Variants in PARD3B observed in about 807,000 individuals in gnomAD.
PARD3B encodes partitioning defective 3 homolog B.
Under a neutral mutation model 130.2 loss-of-function variants are expected in PARD3B, and 103 were observed. The ratio of observed to expected loss-of-function variants is 0.79; its 90% CI spans 0.67 to 0.93. The LOEUF is 0.93. Among genes scored for constraint, PARD3B ranks in the 40% least tolerant of loss-of-function variants. PARD3B has a pLI of 0.00. For synonymous variants in PARD3B, 583 were observed against 553.2 expected (o/e 1.05, Z -0.76); for missense variants, 1,609 against 1,499.2 (o/e 1.07, Z -1.21).
intron 16 of PARD3B, among the ~76,000 whole-genome samples, chr2:205,279,377 G>A (rs543210323): frequency 3.3e-5 from 5 of 152,106 alleles, no homozygotes; most frequent in South Asian, 4.1e-4. Flanking sequence ...GCTAACTAAC[G>A]CCATTGGAGG....
intron 2 of PARD3B, among the ~76,000 whole-genome samples, chr2:204,707,225 A>C (rs565119634): frequency 6.6e-6 from 1 of 152,330 alleles, no homozygotes; most frequent in South Asian, 2.1e-4. Flanking sequence ...TCCAGACCAC[A>C]TGAAGCCCGA....
intron 11 of PARD3B, among the ~76,000 whole-genome samples, chr2:205,168,726 A>C (rs1380331095): frequency 7.1e-6 from 1 of 140,838 alleles, no homozygotes; most frequent in Non-Finnish European, 1.5e-5. Context: ...CTGTCTCCAT[A>C]TCTTCTGTTG....
At chr2:205,141,138 A>C (rs1217422577) in intron 10 of PARD3B, among the ~76,000 whole-genome samples, 1 of 152,208 alleles carries the variant, frequency 6.6e-6, no homozygotes, top group Non-Finnish European at 1.5e-5. Flanking sequence ...TTCGGGTCAA[A>C]TAGAGTATAA....
chr2:205,118,015 A>T (rs2030096594), intron 6 of PARD3B, among the ~76,000 whole-genome samples: 1 of 151,766 alleles, frequency 6.6e-6, no homozygotes, highest in South Asian at 2.1e-4. Context: ...CCTGATTCTA[A>T]GCTACAGCCA....
chr2:205,061,585 A>G (rs1015455273), intron 4 of PARD3B, among the ~76,000 whole-genome samples: 1 of 152,110 alleles, frequency 6.6e-6, no homozygotes, highest in Non-Finnish European at 1.5e-5. Flanking sequence ...TGTGCCATGC[A>G]TGGTTGGATA....
chr2:204,851,569 C>A (rs991014329), intron 2 of PARD3B, among the ~76,000 whole-genome samples: 1 of 152,090 alleles, frequency 6.6e-6, no homozygotes, highest in Non-Finnish European at 1.5e-5. Flanking sequence ...CTGTGACTAT[C>A]CAACTGTATT....
chr2:205,342,667 C>T (rs574485692), intron 18 of PARD3B, among the ~76,000 whole-genome samples: 1 of 152,194 alleles, frequency 6.6e-6, no homozygotes, highest in East Asian at 1.9e-4. Flanking sequence ...GTTGTGATTT[C>T]TTTGATTACA....
intron 2 of PARD3B, among the ~76,000 whole-genome samples, chr2:204,810,504 TATTGTGCATC>T (rs762145862): frequency 6.6e-6 from 1 of 152,216 alleles, no homozygotes; most frequent in Non-Finnish European, 1.5e-5. Context: ...TTTCTGCATC[TATTGTGCATC>T]ATTGTGCATC....
At chr2:204,927,664 AGAG>A (rs1687725366) in intron 2 of PARD3B, among the ~76,000 whole-genome samples, 1 of 152,166 alleles carries the variant, frequency 6.6e-6, no homozygotes, top group African/African-American at 2.4e-5. Flanking sequence ...ATTCTATTAG[AGAG>A]GAGTTATAGG....
rs920994907 is a variant in PARD3B at position 205,618,518 on chromosome 2, T to C, written c.*2705T>C. On this transcript the variant is annotated 3_prime_UTR_variant, in exon 23 of 23. Coordinates refer to ENST00000406610, the MANE Select transcript of PARD3B (RefSeq NM_001302769.2). ...GGGAAAACTCAATCCGGTGTCTCCT[T>C]GTAGCTCAGAACACTAATAGCCCCC... 1 of 152,230 alleles carries C rather than the reference T, an allele frequency of 6.6e-6. No homozygotes were observed. Among genetic ancestry groups the C allele is most frequent in the Non-Finnish European group, 1.5e-5 (1 of 68,036 alleles). 9.4% of individuals were successfully genotyped at this position (152,230 alleles called of 1,614,324 possible).
At chr2:205,381,062 ATATATATT>A (rs2045405929) in intron 18 of PARD3B, among the ~76,000 whole-genome samples, 1 of 66,216 alleles carries the variant, frequency 1.5e-5, no homozygotes. Context: ...TATATAAAGA[ATATATATT>A]ATATATATTA....
intron 6 of PARD3B, among the ~76,000 whole-genome samples, chr2:205,115,519 T>G (rs1703960115): frequency 6.6e-6 from 1 of 152,226 alleles, no homozygotes; most frequent in South Asian, 2.1e-4. Context: ...TGTAGTTTTA[T>G]TATAAGTTCA....
intron 3 of PARD3B, among the ~76,000 whole-genome samples, chr2:204,979,954 C>T (rs1305405397): frequency 6.6e-6 from 1 of 151,998 alleles, no homozygotes; most frequent in Admixed American, 6.6e-5. Flanking sequence ...AAACAGAACA[C>T]AAAAAGTGAT....
chr2:205,167,167 T>G (rs1249839025), intron 11 of PARD3B, among the ~76,000 whole-genome samples: 1 of 152,130 alleles, frequency 6.6e-6, no homozygotes, highest in Non-Finnish European at 1.5e-5. Context: ...CACACAACAT[T>G]GCCAGTAATC....
In PARD3B at chr2:204,683,774, A is replaced by G. The variant is rs79551525; in HGVS notation, c.121-2407A>G. Among the ~76,000 whole-genome samples the G allele has an allele frequency of 3.2e-3, 486 of 152,320 alleles. 1 individual carries two copies. Among genetic ancestry groups the G allele is most frequent in the Non-Finnish European group, 4.8e-3 (328 of 68,018 alleles). On this transcript the variant is annotated intron_variant, in intron 1 of 22. Coordinates refer to ENST00000406610, the MANE Select transcript of PARD3B (RefSeq NM_001302769.2). ...TAAAATGGCAATATCAATGTGGAAT[A>G]GGGAGTTCAAATTGTAGTCTTTCCA...
chr2:205,593,744 A>C (rs1017431013), intron 22 of PARD3B, among the ~76,000 whole-genome samples: 3 of 152,174 alleles, frequency 2.0e-5, no homozygotes, highest in African/African-American at 7.2e-5. Flanking sequence ...GGTGGGGTAG[A>C]AATGCCACAG....
chr2:204,637,929 A>T (rs1192767308), intron 1 of PARD3B, among the ~76,000 whole-genome samples: 1 of 152,054 alleles, frequency 6.6e-6, no homozygotes, highest in African/African-American at 2.4e-5. Context: ...ACCCTGACAG[A>T]AAGGTGGTGG....
At chr2:204,752,453 T>C (rs1461296018) in intron 2 of PARD3B, among the ~76,000 whole-genome samples, 2 of 152,180 alleles carry the variant, frequency 1.3e-5, no homozygotes, top group African/African-American at 4.8e-5. Context: ...TTCGTACTTT[T>C]AGTGAATGAA....
intron 18 of PARD3B, among the ~76,000 whole-genome samples, chr2:205,358,322 T>A (rs964896): frequency 0.6 from 91,812 of 152,066 alleles, 30,927 homozygotes; most frequent in South Asian, 0.77. Context: ...ATCTGTGAGT[T>A]CCTTCAGTGA....
Sources: allele counts gnomAD v4.1 joint callset (sites outside exome capture counted in the v4.1 genomes callset), GRCh38; gene constraint gnomAD v4.1.1; transcripts MANE v1.5; gene names NCBI Gene and HGNC (gene_info 2026-07-23, HGNC 2026-07-21).